PTPRG: variants seen among roughly 807,000 people sequenced by gnomAD.
PTPRG encodes protein tyrosine phosphatase receptor type G.
A neutral mutation model predicts 165.3 loss-of-function variants in PTPRG; 102 were observed. That is an observed-to-expected ratio of 0.62 (90% CI 0.53 to 0.73). The LOEUF (loss-of-function observed/expected upper bound fraction) is 0.73. Ranked by LOEUF, PTPRG falls within the 30% of genes least tolerant of loss-of-function variation. The pLI is 0.00. For synonymous variants in PTPRG, 675 were observed against 669.5 expected (o/e 1.01, Z -0.13); for missense variants, 1,866 against 1,861.4 (o/e 1.00, Z -0.05).
At chr3:61,626,834 AG>A (rs1701622722) in intron 1 of PTPRG, among the ~76,000 whole-genome samples, 2 of 152,218 alleles carry the variant, frequency 1.3e-5, no homozygotes, top group South Asian at 4.1e-4. Flanking sequence ...ATATATTCTT[AG>A]AAAAAGGAAT....
intron 2 of PTPRG, among the ~76,000 whole-genome samples, chr3:61,778,850 G>A (rs906613735): frequency 6.6e-6 from 1 of 152,076 alleles, no homozygotes; most frequent in Admixed American, 6.6e-5. Flanking sequence ...AGGACCACGT[G>A]GTGGGAAAAG....
At chr3:62,083,063 T>A (rs189278151) in intron 5 of PTPRG, among the ~76,000 whole-genome samples, 223 of 152,356 alleles carry the variant, frequency 1.5e-3, no homozygotes, top group Non-Finnish European at 2.8e-3. Context: ...GAGGAATTTG[T>A]TGTTAAAACA....
intron 4 of PTPRG, among the ~76,000 whole-genome samples, chr3:62,065,739 C>T (rs1168299455): frequency 6.6e-6 from 1 of 152,174 alleles, no homozygotes; most frequent in East Asian, 1.9e-4. Context: ...CATGATACAA[C>T]ATCCAGAAGA....
At chr3:61,809,604 A>G (rs1470920303) in intron 2 of PTPRG, among the ~76,000 whole-genome samples, 1 of 152,172 alleles carries the variant, frequency 6.6e-6, no homozygotes, top group Non-Finnish European at 1.5e-5. Flanking sequence ...CTGACCACAT[A>G]GGGGCCAGTG....
chr3:61,883,854 G>A (rs28469396), intron 2 of PTPRG, among the ~76,000 whole-genome samples: 1 of 152,040 alleles, frequency 6.6e-6, no homozygotes, highest in Non-Finnish European at 1.5e-5. Flanking sequence ...TGAGACTATA[G>A]GCATGTACCA....
At chr3:62,136,425 A>G (rs1269557541) in intron 6 of PTPRG, among the ~76,000 whole-genome samples, 1 of 152,206 alleles carries the variant, frequency 6.6e-6, no homozygotes, top group Non-Finnish European at 1.5e-5. Context: ...CAGGACCAGT[A>G]TAGATGAAGG....
chr3:62,282,474 C>T (rs1331748232), intron 27 of PTPRG, among the ~76,000 whole-genome samples: 2 of 151,296 alleles, frequency 1.3e-5, no homozygotes, highest in African/African-American at 4.9e-5. Flanking sequence ...AAGCAATCCT[C>T]CCACCTTGGC....
At chr3:62,065,043 T>C (rs901494332) in intron 4 of PTPRG, among the ~76,000 whole-genome samples, 1 of 151,924 alleles carries the variant, frequency 6.6e-6, no homozygotes, top group African/African-American at 2.4e-5. Flanking sequence ...TGTTTGGAAA[T>C]TTTTAAATGA....
chr3:61,985,098 ACTT>A (rs2040726198), intron 2 of PTPRG, among the ~76,000 whole-genome samples: 1 of 152,234 alleles, frequency 6.6e-6, no homozygotes, highest in African/African-American at 2.4e-5. Context: ...TCCACTGGGA[ACTT>A]ACTCACTAAA....
intron 1 of PTPRG, among the ~76,000 whole-genome samples, chr3:61,576,611 G>A (rs1168107816): frequency 6.6e-6 from 1 of 152,160 alleles, no homozygotes; most frequent in African/African-American, 2.4e-5. Flanking sequence ...GTCTGGGAGA[G>A]GACTTTTGTG....
intron 4 of PTPRG, among the ~76,000 whole-genome samples, chr3:62,009,003 T>C (rs2041358154): frequency 6.6e-6 from 1 of 152,218 alleles, no homozygotes; most frequent in Admixed American, 6.5e-5. Flanking sequence ...TTAAATTCAT[T>C]AATATTCCTA....
chr3:61,845,452 C>G (rs2036780404), intron 2 of PTPRG, among the ~76,000 whole-genome samples: 1 of 152,060 alleles, frequency 6.6e-6, no homozygotes, highest in African/African-American at 2.4e-5. Context: ...GGGAAGATGT[C>G]TATTGATCCT....
At chr3:61,973,757 C>T (rs773837646) in intron 2 of PTPRG, among the ~76,000 whole-genome samples, 62 of 151,896 alleles carry the variant, frequency 4.1e-4, no homozygotes, top group Non-Finnish European at 6.6e-4. Flanking sequence ...TGCTTGAACC[C>T]GGGAGGTGGA....
chr3:62,010,682 A>T (rs1015328093), intron 4 of PTPRG, among the ~76,000 whole-genome samples: 3 of 152,236 alleles, frequency 2.0e-5, no homozygotes, highest in Non-Finnish European at 2.9e-5. Context: ...AAATAAAACT[A>T]TAAAGACATC....
At chr3:61,584,933 T>G (rs1700396899) in intron 1 of PTPRG, among the ~76,000 whole-genome samples, 2 of 152,208 alleles carry the variant, frequency 1.3e-5, no homozygotes, top group Admixed American at 6.5e-5. Context: ...TCTCCACGTT[T>G]CTTCATAAAT....
At chr3:62,272,625 C>T (rs1216476971) in intron 21 of PTPRG, among the ~76,000 whole-genome samples, 1 of 152,076 alleles carries the variant, frequency 6.6e-6, no homozygotes, top group African/African-American at 2.4e-5. Flanking sequence ...GGGCAGATCA[C>T]CTGAGGTCAG....
At chr3:62,275,747 A>C in intron 23 of PTPRG, 126 bp from the exon 24 acceptor site, 1 of 670,602 alleles carries the variant, frequency 1.5e-6, no homozygotes, top group East Asian at 2.8e-5. Flanking sequence ...TGTGTCTTAA[A>C]AGGTTCTTTG....
chr3:61,835,633 G>A (rs957663135), intron 2 of PTPRG, among the ~76,000 whole-genome samples: 7 of 151,280 alleles, frequency 4.6e-5, no homozygotes, highest in African/African-American at 1.2e-4. Flanking sequence ...CGCCCAGCCC[G>A]TTCCTGCTAT....
intron 2 of PTPRG, among the ~76,000 whole-genome samples, chr3:61,772,859 A>G (rs2034252504): frequency 6.6e-6 from 1 of 152,218 alleles, no homozygotes; most frequent in South Asian, 2.1e-4. Context: ...ATCAGAGAAT[A>G]TGCTGTAACT....
Sources: gnomAD v4.1 joint callset for allele counts (sites outside exome capture counted in the v4.1 genomes callset) on GRCh38, gnomAD v4.1.1 for gene constraint, MANE v1.5 for transcripts, NCBI Gene and HGNC (gene_info 2026-07-23, HGNC 2026-07-21) for gene names.